The following AFG1L variants were observed in gnomAD, a reference collection of about 807,000 sequenced individuals.
The protein encoded by AFG1L is AFG1 like ATPase.
Under a neutral mutation model 62.2 loss-of-function variants are expected in AFG1L, and 53 were observed. That is an observed-to-expected ratio of 0.85 (90% CI 0.68 to 1.07). The LOEUF (loss-of-function observed/expected upper bound fraction) is 1.07. Ranked by LOEUF, AFG1L falls within the 50% of genes least tolerant of loss-of-function variation. The pLI is 0.00. For missense variants in AFG1L, 555 were observed against 590.5 expected, an observed-to-expected ratio of 0.94 and a Z score of 0.62; for synonymous variants, 228 against 210.3, an observed-to-expected ratio of 1.08 and a Z score of -0.73.
At chr6:108,347,892 A>C (rs916986115) in intron 3 of AFG1L, among the ~76,000 whole-genome samples, 3 of 152,074 alleles carry the variant, frequency 2.0e-5, no homozygotes, top group African/African-American at 7.2e-5. Flanking sequence ...TGGCATACTC[A>C]AAACTCACAT....
chr6:108,449,171 A>G (rs1771944846), intron 8 of AFG1L, among the ~76,000 whole-genome samples: 1 of 151,266 alleles, frequency 6.6e-6, no homozygotes, highest in African/African-American at 2.4e-5. Context: ...ATATATATAT[A>G]TATATAAGTG....
chr6:108,459,599 C>T (rs1367117689), intron 8 of AFG1L, among the ~76,000 whole-genome samples: 1 of 152,058 alleles, frequency 6.6e-6, no homozygotes, highest in Non-Finnish European at 1.5e-5. Flanking sequence ...GTATTTTTTC[C>T]TGCCTGTTTT....
intron 7 of AFG1L, among the ~76,000 whole-genome samples, chr6:108,436,016 C>A (rs976521227): frequency 1.3e-5 from 2 of 152,204 alleles, no homozygotes; most frequent in Non-Finnish European, 1.5e-5. Flanking sequence ...ATAGAACTTA[C>A]AGGCTTGAAA....
In AFG1L at chr6:108,330,050, C is replaced by T. The variant is rs1331374790; in HGVS notation, c.363+6002C>T. 3.9e-5 allele frequency among the ~76,000 whole-genome samples: 6 copies of T among 152,262 alleles called. No individual in the cohort carries two copies. The East Asian group carries it at 5.8e-4, about 15-fold the overall frequency. On this transcript the variant is annotated intron_variant, in intron 2 of 12. Transcript: ENST00000368977. ...CTTGAGCTAGCATGCTCAGCCCCCT[C>T]GCCATGTGATGCCCCTGTGTCATCT... is the stretch of plus-strand genomic sequence containing the variant.
At chr6:108,369,943 G>GATCTATCTATCTATCTAT (rs1562113955) in intron 6 of AFG1L, among the ~76,000 whole-genome samples, 17 of 62,488 alleles carry the variant, frequency 2.7e-4, no homozygotes, top group Admixed American at 2.0e-3. Flanking sequence ...TGGCTGGCTG[G>GATCTATCTATCTATCTAT]CTGGCTATCT....
intron 2 of AFG1L, among the ~76,000 whole-genome samples, chr6:108,325,728 C>T (rs972679238): frequency 4.6e-5 from 7 of 151,948 alleles, no homozygotes; most frequent in Non-Finnish European, 1.0e-4. Flanking sequence ...TCAGGTGATC[C>T]GCCCACCTCG....
At chr6:108,416,617 C>G (rs1225335228) in intron 7 of AFG1L, among the ~76,000 whole-genome samples, 1 of 152,098 alleles carries the variant, frequency 6.6e-6, no homozygotes, top group Admixed American at 6.6e-5. Flanking sequence ...AGTTCATGTC[C>G]TTTGTAGGGA....
At chr6:108,502,274 C>T (rs967562115) in intron 10 of AFG1L, among the ~76,000 whole-genome samples, 10 of 151,824 alleles carry the variant, frequency 6.6e-5, no homozygotes, top group Non-Finnish European at 1.0e-4. Flanking sequence ...GGCGTGATCT[C>T]GGCTCACTGT....
chr6:108,472,578 C>T (rs1266172774), intron 8 of AFG1L, among the ~76,000 whole-genome samples: 2 of 151,968 alleles, frequency 1.3e-5, no homozygotes, highest in African/African-American at 4.8e-5. Context: ...CTTCTCTCTG[C>T]CAATTTGGAT....
chr6:108,454,362 A>C (rs1271983399), intron 8 of AFG1L, among the ~76,000 whole-genome samples: 2 of 152,194 alleles, frequency 1.3e-5, no homozygotes, highest in African/African-American at 4.8e-5. Flanking sequence ...TTCCCAGATG[A>C]AGCTGTAAGT....
At chr6:108,508,571 G>A (rs1424526967) in intron 10 of AFG1L, among the ~76,000 whole-genome samples, 1 of 152,166 alleles carries the variant, frequency 6.6e-6, no homozygotes, top group Non-Finnish European at 1.5e-5. Context: ...CTCTGGTTTT[G>A]TGCCCATTGC....
intron 8 of AFG1L, among the ~76,000 whole-genome samples, chr6:108,459,992 A>G (rs1772390525): frequency 6.6e-6 from 1 of 151,464 alleles, no homozygotes; most frequent in African/African-American, 2.4e-5. Context: ...ACGTAGAAAC[A>G]TATCAACAAA....
intron 6 of AFG1L, among the ~76,000 whole-genome samples, chr6:108,395,801 G>A (rs574291830): frequency 1.3e-3 from 193 of 151,138 alleles, no homozygotes; most frequent in African/African-American, 4.4e-3. Context: ...AGGGAGGGAG[G>A]GAAGGAGAGA....
At chr6:108,303,598 C>T (rs1405828847) in intron 1 of AFG1L, among the ~76,000 whole-genome samples, 3 of 152,160 alleles carry the variant, frequency 2.0e-5, no homozygotes, top group African/African-American at 7.2e-5. Context: ...TATTTCTTCT[C>T]TTCATTGCTC....
intron 6 of AFG1L, among the ~76,000 whole-genome samples, chr6:108,367,820 C>T (rs1033451525): frequency 5.9e-5 from 9 of 152,076 alleles, no homozygotes; most frequent in African/African-American, 2.2e-4. Flanking sequence ...AAAAGTAGTA[C>T]AAAAAGAATT....
At chr6:108,451,242 A>C (rs1351681526) in intron 8 of AFG1L, among the ~76,000 whole-genome samples, 1 of 152,238 alleles carries the variant, frequency 6.6e-6, no homozygotes, top group African/African-American at 2.4e-5. Flanking sequence ...TACGATCTTT[A>C]ATGAAACAGA....
intron 10 of AFG1L, among the ~76,000 whole-genome samples, chr6:108,490,209 A>G (rs1022962143): frequency 6.6e-6 from 1 of 152,198 alleles, no homozygotes; most frequent in Non-Finnish European, 1.5e-5. Flanking sequence ...AAATACAAAA[A>G]TTAGCTGGGT....
At chr6:108,460,850 A>G (rs1467480928) in intron 8 of AFG1L, among the ~76,000 whole-genome samples, 5 of 152,084 alleles carry the variant, frequency 3.3e-5, no homozygotes, top group Non-Finnish European at 7.4e-5. Context: ...CCAGCTACTC[A>G]AGAGGATGAG....
chr6:108,509,306 A>G (rs928221), intron 10 of AFG1L, among the ~76,000 whole-genome samples: 101,944 of 152,102 alleles, frequency 0.67, 36,186 homozygotes, highest in African/African-American at 0.92. Context: ...ACTGCCTCCA[A>G]TTATTCTGGA....
Sources: allele counts gnomAD v4.1 joint callset (sites outside exome capture counted in the v4.1 genomes callset), GRCh38; gene constraint gnomAD v4.1.1; transcripts MANE v1.5; gene names NCBI Gene and HGNC (gene_info 2026-07-23, HGNC 2026-07-21).